The following NRXN1 variants were observed in gnomAD, a reference collection of about 807,000 sequenced individuals.
The protein encoded by NRXN1 is neurexin 1.
A neutral mutation model predicts 150.9 loss-of-function variants in NRXN1; 39 were observed. The ratio of observed to expected loss-of-function variants is 0.26; its 90% CI spans 0.20 to 0.34. NRXN1 has a LOEUF of 0.34. Ranked by LOEUF, NRXN1 falls within the 10% of genes least tolerant of loss-of-function variation. The pLI, the probability that NRXN1 is intolerant of heterozygous loss-of-function variation, is 1.00. For missense variants in NRXN1, 1,815 were observed against 1,949.9 expected, an observed-to-expected ratio of 0.93 and a Z score of 1.30; for synonymous variants, 924 against 757.0, an observed-to-expected ratio of 1.22 and a Z score of -3.62.
chr2:50,898,600 T>G (rs926684962), intron 5 of NRXN1: 1 of 489,798 alleles, frequency 2.0e-6, no homozygotes. Flanking sequence ...GGATTCAACT[T>G]TGCTGTAATA....
At chr2:50,091,811 C>G (rs892950629) in intron 18 of NRXN1, among the ~76,000 whole-genome samples, 6 of 152,180 alleles carry the variant, frequency 3.9e-5, no homozygotes, top group African/African-American at 1.4e-4. Context: ...TTTAACACAA[C>G]CCCTTTAATC....
intron 5 of NRXN1, among the ~76,000 whole-genome samples, chr2:50,740,794 G>T (rs2105269036): frequency 6.6e-6 from 1 of 152,186 alleles, no homozygotes; most frequent in South Asian, 2.1e-4. Flanking sequence ...GAGGCAAAAA[G>T]ATGGAATAAA....
At chr2:50,507,992 AG>A (rs1274601387) in intron 12 of NRXN1, among the ~76,000 whole-genome samples, 1 of 152,022 alleles carries the variant, frequency 6.6e-6, no homozygotes, top group Non-Finnish European at 1.5e-5. Flanking sequence ...AAGGAGAAGA[AG>A]AAAAAAAAAG....
At chr2:50,264,473 G>C (rs1046234840) in intron 17 of NRXN1, among the ~76,000 whole-genome samples, 1 of 151,914 alleles carries the variant, frequency 6.6e-6, no homozygotes, top group Non-Finnish European at 1.5e-5. Context: ...CGGTCAGATG[G>C]GTAGAGAAAC....
At chr2:50,206,944 T>C (rs922948799) in intron 18 of NRXN1, among the ~76,000 whole-genome samples, 1 of 151,500 alleles carries the variant, frequency 6.6e-6, no homozygotes, top group African/African-American at 2.4e-5. Flanking sequence ...TGAATCCGAA[T>C]CTGAGTACTG....
chr2:50,401,880 A>G (rs1230888166), intron 17 of NRXN1, among the ~76,000 whole-genome samples: 1 of 152,162 alleles, frequency 6.6e-6, no homozygotes, highest in African/African-American at 2.4e-5. Context: ...CATGCAAACC[A>G]GCCAGCCTTT....
intron 17 of NRXN1, among the ~76,000 whole-genome samples, chr2:50,440,099 G>T (rs535385402): frequency 7.9e-5 from 12 of 152,280 alleles, no homozygotes; most frequent in African/African-American, 2.6e-4. Context: ...GAGTTGTCAG[G>T]ATTTGTTCCG....
chr2:50,915,514 A>G (rs915852900), intron 5 of NRXN1, among the ~76,000 whole-genome samples: 1 of 151,626 alleles, frequency 6.6e-6, no homozygotes, highest in Non-Finnish European at 1.5e-5. Flanking sequence ...TAAAGTGTAA[A>G]GAGTAACAGA....
intron 5 of NRXN1, among the ~76,000 whole-genome samples, chr2:50,706,275 A>G (rs767831185): frequency 6.6e-6 from 1 of 152,212 alleles, no homozygotes; most frequent in Non-Finnish European, 1.5e-5. Context: ...GTACTTTTTG[A>G]TACATATACC....
intron 18 of NRXN1, among the ~76,000 whole-genome samples, chr2:50,116,959 G>A (rs1268341918): frequency 6.6e-6 from 1 of 152,090 alleles, no homozygotes; most frequent in African/African-American, 2.4e-5. Flanking sequence ...AAGAGGTAGT[G>A]GGGTGTTACA....
At chr2:50,911,300 T>C (rs964350257) in intron 5 of NRXN1, among the ~76,000 whole-genome samples, 1 of 151,824 alleles carries the variant, frequency 6.6e-6, no homozygotes, top group Admixed American at 6.6e-5. Flanking sequence ...CTTGTCCCCA[T>C]AGGAGCTTGA....
At chr2:50,958,751 G>C (rs1692676009) in intron 2 of NRXN1, among the ~76,000 whole-genome samples, 1 of 152,068 alleles carries the variant, frequency 6.6e-6, no homozygotes, top group African/African-American at 2.4e-5. Flanking sequence ...AGCAGCAAGA[G>C]TGAGCATTCT....
intron 13 of NRXN1, among the ~76,000 whole-genome samples, chr2:50,504,114 A>T (rs1232956506): frequency 6.8e-6 from 1 of 146,464 alleles, no homozygotes; most frequent in African/African-American, 2.6e-5. Context: ...GTTCTAGATT[A>T]AAGGAGGCTA....
chr2:50,719,602 G>A (rs1029901862), intron 5 of NRXN1, among the ~76,000 whole-genome samples: 3 of 151,992 alleles, frequency 2.0e-5, no homozygotes, highest in Non-Finnish European at 4.4e-5. Context: ...CTTGAACCGG[G>A]GAGGCGGAGG....
At chr2:50,610,020 T>C (rs1375990540) in intron 8 of NRXN1, among the ~76,000 whole-genome samples, 2 of 152,156 alleles carry the variant, frequency 1.3e-5, no homozygotes, top group African/African-American at 4.8e-5. Context: ...TAATTTGTTT[T>C]AAATGTGTTT....
chr2:50,652,713 T>C (rs967114781), intron 5 of NRXN1, among the ~76,000 whole-genome samples: 42 of 152,074 alleles, frequency 2.8e-4, no homozygotes, highest in African/African-American at 1.0e-3. Context: ...GGTAGGTACC[T>C]ATGAGTGGAA....
chr2:50,778,338 T>C (rs193117887), intron 5 of NRXN1, among the ~76,000 whole-genome samples: 88 of 152,362 alleles, frequency 5.8e-4, no homozygotes, highest in African/African-American at 1.7e-3. Context: ...TTAATTCATA[T>C]GACAGACATT....
intron 5 of NRXN1, among the ~76,000 whole-genome samples, chr2:50,920,908 T>C (rs1558423556): frequency 6.6e-6 from 1 of 151,652 alleles, no homozygotes; most frequent in Non-Finnish European, 1.5e-5. Flanking sequence ...GCCTGGCTCA[T>C]GTTCAGATGC....
intron 12 of NRXN1, among the ~76,000 whole-genome samples, chr2:50,520,119 G>C (rs1273358766): frequency 6.6e-6 from 1 of 151,762 alleles, no homozygotes; most frequent in Non-Finnish European, 1.5e-5. Context: ...TGCTATAAGG[G>C]CATTTAAGAC....
Sources: allele counts gnomAD v4.1 joint callset (sites outside exome capture counted in the v4.1 genomes callset), GRCh38; gene constraint gnomAD v4.1.1; transcripts MANE v1.5; gene names NCBI Gene and HGNC (gene_info 2026-07-23, HGNC 2026-07-21).